DGKI: variants seen among roughly 807,000 people sequenced by gnomAD.
DGKI encodes diacylglycerol kinase iota.
In DGKI, 55 loss-of-function variants were observed where a neutral mutation model predicts 147.5. The observed-to-expected ratio is 0.37, with a 90% confidence interval of 0.30 to 0.47. DGKI has a LOEUF of 0.47. Among genes scored for constraint, DGKI ranks in the 20% least tolerant of loss-of-function variants. DGKI has a pLI of 1.00. For missense variants in DGKI, 1,007 were observed against 1,323.8 expected (o/e 0.76, Z 3.71); for synonymous variants, 469 against 477.1 (o/e 0.98, Z 0.22).
At chr7:137,681,794 T>G (rs1823243646) in intron 2 of DGKI, among the ~76,000 whole-genome samples, 3 of 152,240 alleles carry the variant, frequency 2.0e-5, no homozygotes, top group Admixed American at 6.5e-5. Context: ...GAAAGTAATC[T>G]CTAAGCCCAT....
At chr7:137,476,176 C>T (rs1200671688) in intron 23 of DGKI, among the ~76,000 whole-genome samples, 2 of 152,132 alleles carry the variant, frequency 1.3e-5, no homozygotes, top group Non-Finnish European at 1.5e-5. Context: ...CTCTGGCTCT[C>T]GTTCATTCCT....
At chr7:137,573,053 A>G (rs1818846777) in intron 17 of DGKI, among the ~76,000 whole-genome samples, 1 of 152,198 alleles carries the variant, frequency 6.6e-6, no homozygotes, top group Non-Finnish European at 1.5e-5. Context: ...CACTTAAGGT[A>G]AGAACAAAAC....
intron 21 of DGKI, among the ~76,000 whole-genome samples, chr7:137,511,568 C>T (rs1816581246): frequency 6.6e-6 from 1 of 152,172 alleles, no homozygotes; most frequent in Admixed American, 6.5e-5. Flanking sequence ...CTCACTGAAG[C>T]TGAATTTCCA....
chr7:137,485,359 T>A lies in DGKI; in HGVS notation c.2373+15A>T. 6.3e-7 allele frequency: 1 copy of A among 1,597,496 alleles called. No individual in the cohort carries two copies. On this transcript the variant is annotated intron_variant, in intron 23 of 32. Coordinates refer to ENST00000614521, the MANE Select transcript of DGKI (RefSeq NM_001321708.2). The stretch of plus-strand genomic sequence containing the variant: ...GCCAGAAGGTAAGAAACAAGGAGAG[T>A]CAATTATTTGTTACCTGGTAATGAA...
intron 6 of DGKI, among the ~76,000 whole-genome samples, chr7:137,643,034 A>G (rs7803200): frequency 0.14 from 21,095 of 150,476 alleles, 4,515 homozygotes; most frequent in African/African-American, 0.46. Context: ...GCTCATGCCT[A>G]TAATCCTAGC....
At chr7:137,805,340 C>A (rs917014634) in intron 1 of DGKI, among the ~76,000 whole-genome samples, 3 of 152,094 alleles carry the variant, frequency 2.0e-5, no homozygotes, top group Non-Finnish European at 4.4e-5. Flanking sequence ...CTGATTCTGG[C>A]GAGGGAGCGA....
chr7:137,579,391 C>T (rs2128980065), intron 15 of DGKI, among the ~76,000 whole-genome samples: 1 of 136,074 alleles, frequency 7.3e-6, no homozygotes, highest in Non-Finnish European at 1.5e-5. Context: ...GATTTCTTGA[C>T]TAACTAGTTA....
intron 3 of DGKI, among the ~76,000 whole-genome samples, chr7:137,674,485 T>G (rs1822958459): frequency 6.6e-6 from 1 of 152,222 alleles, no homozygotes. Context: ...TCCCTAATGT[T>G]ACGGCATCAT....
chr7:137,395,809 G>A, intron 31 of DGKI, 112 bp from the exon 32 acceptor site: 3 of 917,018 alleles, frequency 3.3e-6, no homozygotes, highest in South Asian at 1.6e-5. Flanking sequence ...GTAGGCTGCT[G>A]AGACTTTGGC....
chr7:137,412,284 T>C, intron 28 of DGKI, 77 bp from the exon 29 acceptor site: 1 of 1,385,914 alleles, frequency 7.2e-7, no homozygotes, highest in Non-Finnish European at 1.0e-6. Flanking sequence ...TGGATCCATA[T>C]TTTGGATAAG....
chr7:137,514,461 C>T (rs1385483925), intron 21 of DGKI, among the ~76,000 whole-genome samples: 1 of 152,132 alleles, frequency 6.6e-6, no homozygotes, highest in Non-Finnish European at 1.5e-5. Context: ...GTGCATCTTA[C>T]TCAACTTCTC....
intron 8 of DGKI, among the ~76,000 whole-genome samples, chr7:137,614,065 C>T (rs2128994643): frequency 6.6e-6 from 1 of 152,232 alleles, no homozygotes; most frequent in East Asian, 1.9e-4. Flanking sequence ...TTATATATTA[C>T]TCATGTTACT....
chr7:137,735,882 C>T (rs907150485), intron 1 of DGKI, among the ~76,000 whole-genome samples: 1 of 152,078 alleles, frequency 6.6e-6, no homozygotes, highest in African/African-American at 2.4e-5. Flanking sequence ...CATGGCCACA[C>T]TAAACGCCTG....
intron 12 of DGKI, among the ~76,000 whole-genome samples, chr7:137,590,802 C>T (rs754044106): frequency 5.5e-4 from 83 of 152,270 alleles, no homozygotes; most frequent in Admixed American, 1.0e-3. Flanking sequence ...AAGCGATTCT[C>T]CAGCCTCCGC....
At chr7:137,496,279 A>G (rs948779285) in intron 21 of DGKI, among the ~76,000 whole-genome samples, 2 of 152,134 alleles carry the variant, frequency 1.3e-5, no homozygotes, top group Non-Finnish European at 2.9e-5. Flanking sequence ...TATAATGACA[A>G]TTACAAAACA....
At chr7:137,549,479 T>G (rs1817974733) in intron 20 of DGKI, among the ~76,000 whole-genome samples, 2 of 152,122 alleles carry the variant, frequency 1.3e-5, no homozygotes, top group African/African-American at 4.8e-5. Flanking sequence ...CACCTTCTTC[T>G]TACTGGGAAC....
chr7:137,843,385 T>C (rs1174072253), intron 1 of DGKI: 1 of 983,718 alleles, frequency 1.0e-6, no homozygotes, highest in African/African-American at 1.7e-5. Context: ...AAAAGAAAAG[T>C]ACCAGCTCAC....
chr7:137,676,971 T>G (rs749336895), intron 3 of DGKI, among the ~76,000 whole-genome samples: 1 of 152,180 alleles, frequency 6.6e-6, no homozygotes, highest in Admixed American at 6.5e-5. Context: ...TGTTCAAAAG[T>G]ATATATGTAA....
intron 1 of DGKI, among the ~76,000 whole-genome samples, chr7:137,726,361 G>C (rs10263086): frequency 0.22 from 33,546 of 152,068 alleles, 6,859 homozygotes; most frequent in African/African-American, 0.53. Flanking sequence ...GATTTCTCCT[G>C]TCCTCCACTT....
Sources: allele counts gnomAD v4.1 joint callset (sites outside exome capture counted in the v4.1 genomes callset), GRCh38; gene constraint gnomAD v4.1.1; transcripts MANE v1.5; gene names NCBI Gene and HGNC (gene_info 2026-07-23, HGNC 2026-07-21).